CSMD1: variants seen among roughly 807,000 people sequenced by gnomAD.
CSMD1 encodes the protein CUB and Sushi multiple domains 1.
CSMD1 carries 213 observed loss-of-function variants against 417.5 expected under a neutral mutation model. The ratio of observed to expected loss-of-function variants is 0.51; its 90% CI spans 0.46 to 0.57. The LOEUF (loss-of-function observed/expected upper bound fraction) is 0.57, where lower values mean the gene tolerates loss of function less well. Ranked by LOEUF, CSMD1 falls within the 20% of genes least tolerant of loss-of-function variation. CSMD1 has a pLI of 0.00. For synonymous variants in CSMD1, 2,862 were observed against 1,736.8 expected, an observed-to-expected ratio of 1.65 and a Z score of -16.11; for missense variants, 6,923 against 4,529.7, an observed-to-expected ratio of 1.53 and a Z score of -15.17.
At chr8:3,693,957 G>T (rs1399350056) in intron 7 of CSMD1, among the ~76,000 whole-genome samples, 1 of 151,006 alleles carries the variant, frequency 6.6e-6, no homozygotes, top group Admixed American at 6.6e-5. Context: ...TTGGATATAG[G>T]GGTGTGTGTG....
chr8:3,974,755 C>G lies in CSMD1; in HGVS notation c.818+23148G>C, dbSNP rs532935433. On this transcript the variant is annotated intron_variant, in intron 5 of 69. Transcript: ENST00000635120. The stretch of plus-strand genomic sequence containing the variant: ...GCAAAACTAAATTTTGGTATACTTA[C>G]GGAATTCTTTACAGTTATTGGTAAT... Among the ~76,000 whole-genome samples the G allele has an allele frequency of 2.3e-3, 343 of 151,884 alleles. 1 individual carries two copies. Among genetic ancestry groups the G allele is most frequent in the African/African-American group, 7.5e-3 (312 of 41,468 alleles).
At chr8:4,371,379 T>C (rs1017096217) in intron 3 of CSMD1, among the ~76,000 whole-genome samples, 4 of 152,182 alleles carry the variant, frequency 2.6e-5, no homozygotes, top group African/African-American at 9.7e-5. Flanking sequence ...TCCTGTTATA[T>C]TTTGTATTAA....
chr8:3,886,841 A>G (rs2627353), intron 5 of CSMD1, among the ~76,000 whole-genome samples: 144,697 of 152,256 alleles, frequency 0.95, 68,875 homozygotes, highest in African/African-American at 0.99. Context: ...GATCTAATTC[A>G]AAACTTTCTG....
intron 3 of CSMD1, among the ~76,000 whole-genome samples, chr8:4,115,851 T>G (rs1025049546): frequency 2.0e-5 from 3 of 151,954 alleles, no homozygotes; most frequent in Non-Finnish European, 4.4e-5. Context: ...ACATACTGCA[T>G]GATCCCCAAT....
intron 5 of CSMD1, among the ~76,000 whole-genome samples, chr8:3,847,589 C>G (rs1439988071): frequency 6.6e-6 from 1 of 152,068 alleles, no homozygotes; most frequent in Admixed American, 6.5e-5. Context: ...TGAGAGAAGA[C>G]TGGGGTAAGG....
chr8:3,808,049 A>G (rs936013217), intron 5 of CSMD1, among the ~76,000 whole-genome samples: 4 of 152,196 alleles, frequency 2.6e-5, no homozygotes, highest in African/African-American at 7.2e-5. Context: ...CCTTTTCTAC[A>G]GAAGTTACAG....
intron 5 of CSMD1, among the ~76,000 whole-genome samples, chr8:3,822,601 G>C (rs1463816349): frequency 1.3e-5 from 2 of 151,952 alleles, no homozygotes; most frequent in African/African-American, 4.8e-5. Context: ...TTTTTCTCTG[G>C]GCACCACCTT....
intron 5 of CSMD1, among the ~76,000 whole-genome samples, chr8:3,868,534 T>C (rs1271184068): frequency 6.6e-6 from 1 of 152,120 alleles, no homozygotes; most frequent in East Asian, 1.9e-4. Flanking sequence ...CCCAAATGCG[T>C]ACCTGCAGCC....
At chr8:3,505,702 A>G (rs1374413299) in intron 10 of CSMD1, among the ~76,000 whole-genome samples, 1 of 152,200 alleles carries the variant, frequency 6.6e-6, no homozygotes, top group Non-Finnish European at 1.5e-5. Flanking sequence ...GACCAACAAC[A>G]CTATGAGCAC....
intron 19 of CSMD1, 69 bp from the exon 20 acceptor site, chr8:3,367,316 G>T (rs778663579): frequency 1.3e-4 from 131 of 1,008,106 alleles, no homozygotes; most frequent in Non-Finnish European, 1.5e-4. Context: ...GGGCAGAGAG[G>T]GAGCGGGGCA....
intron 41 of CSMD1, among the ~76,000 whole-genome samples, chr8:3,141,165 A>T (rs1563080062): frequency 6.6e-6 from 1 of 152,208 alleles, no homozygotes; most frequent in Non-Finnish European, 1.5e-5. Flanking sequence ...GACTACGGCC[A>T]TGGGAGAGAG....
chr8:4,160,203 T>C (rs952797231), intron 3 of CSMD1, among the ~76,000 whole-genome samples: 1 of 152,184 alleles, frequency 6.6e-6, no homozygotes, highest in Non-Finnish European at 1.5e-5. Context: ...GTCTTTTATA[T>C]AGCAAAAATC....
At chr8:3,208,215 G>A (rs1797413354) in intron 30 of CSMD1, among the ~76,000 whole-genome samples, 2 of 152,102 alleles carry the variant, frequency 1.3e-5, no homozygotes, top group Admixed American at 1.3e-4. Flanking sequence ...AATAAAAAGT[G>A]GAAACGTCAT....
chr8:3,502,165 C>T (rs1014074606), intron 10 of CSMD1, among the ~76,000 whole-genome samples: 1 of 151,518 alleles, frequency 6.6e-6, no homozygotes, highest in African/African-American at 2.4e-5. Flanking sequence ...GAGATCGAGA[C>T]CATACTGGCT....
intron 3 of CSMD1, among the ~76,000 whole-genome samples, chr8:4,097,737 C>A (rs370506165): frequency 1.3e-4 from 20 of 152,270 alleles, no homozygotes; most frequent in African/African-American, 4.6e-4. Context: ...ACTTAAAAAA[C>A]AAATTCAGTG....
In CSMD1 at chr8:2,951,165, T is replaced by C. The variant is rs370612379; in HGVS notation, c.10150A>G (p.Lys3384Glu). The C allele has an allele frequency of 2.5e-6, 4 of 1,613,570 alleles. No homozygotes were observed. The highest frequency in any genetic ancestry group is 3.4e-6 in the Non-Finnish European group (4 of 1,179,698). The change falls in exon 66 of 70, where the codon AAG becomes GAG. Residue 3384 changes from lysine (K) to glutamate (E), a missense_variant. Transcript: ENST00000635120. ...TVDWFNATSS[K>E]VNATFSEASP... ...GCTTCGCTGAAGGTGGCATTCACCT[T>C]ACTGCTTGTTGCATTGAACCAGTCA...
chr8:4,378,111 A>AT (rs1802871728), intron 3 of CSMD1, among the ~76,000 whole-genome samples: 1 of 152,182 alleles, frequency 6.6e-6, no homozygotes, highest in Non-Finnish European at 1.5e-5. Flanking sequence ...CAGAAGCCAA[A>AT]TTTTACGGGT....
intron 5 of CSMD1, among the ~76,000 whole-genome samples, chr8:3,856,260 G>A (rs1039023408): frequency 1.4e-4 from 22 of 151,848 alleles, no homozygotes; most frequent in African/African-American, 4.8e-4. Context: ...CTTCCTACTT[G>A]GCCCATGTAA....
intron 12 of CSMD1, among the ~76,000 whole-genome samples, chr8:3,467,885 G>A (rs932874980): frequency 3.3e-5 from 5 of 152,128 alleles, no homozygotes; most frequent in African/African-American, 1.2e-4. Flanking sequence ...ATACACTTGG[G>A]AAATAAGAAC....
Sources: allele counts gnomAD v4.1 joint callset (sites outside exome capture counted in the v4.1 genomes callset), GRCh38; gene constraint gnomAD v4.1.1; transcripts MANE v1.5; gene names NCBI Gene and HGNC (gene_info 2026-07-23, HGNC 2026-07-21).